RUNDC3B: variants seen among roughly 807,000 people sequenced by gnomAD.
The protein encoded by RUNDC3B is RUN domain containing 3B, also known as RUN domain-containing protein 3B.
A neutral mutation model predicts 58.4 loss-of-function variants in RUNDC3B; 33 were observed. The observed-to-expected ratio is 0.56, with a 90% CI of 0.43 to 0.75. The LOEUF (loss-of-function observed/expected upper bound fraction) is 0.75, where lower values mean the gene tolerates loss of function less well. Among genes scored for constraint, RUNDC3B ranks in the 30% least tolerant of loss-of-function variants. The pLI is 0.00. For synonymous variants in RUNDC3B, 193 were observed against 195.2 expected, an observed-to-expected ratio of 0.99 and a Z score of 0.10; for missense variants, 501 against 535.7, an observed-to-expected ratio of 0.94 and a Z score of 0.64.
At chr7:87,819,497 G>A (rs945597060) in intron 10 of RUNDC3B, among the ~76,000 whole-genome samples, 1 of 151,958 alleles carries the variant, frequency 6.6e-6, no homozygotes, top group Non-Finnish European at 1.5e-5. Context: ...AAGTTAACAA[G>A]GATACCCAGG....
At chr7:87,629,238 AGAG>A (rs1820956368) in intron 1 of RUNDC3B, 1 of 319,514 alleles carries the variant, frequency 3.1e-6, no homozygotes, top group African/African-American at 2.1e-5. Flanking sequence ...TCAGAGTGAA[AGAG>A]GAGGGCAAGG....
At chr7:87,657,469 C>G (rs994137446) in intron 2 of RUNDC3B, among the ~76,000 whole-genome samples, 2 of 152,118 alleles carry the variant, frequency 1.3e-5, no homozygotes, top group African/African-American at 4.8e-5. Context: ...AGAATTCCGC[C>G]CTCCTGAGGC....
intron 4 of RUNDC3B, among the ~76,000 whole-genome samples, chr7:87,729,309 A>G (rs1466770112): frequency 2.0e-5 from 3 of 152,192 alleles, no homozygotes; most frequent in African/African-American, 7.2e-5. Context: ...TTTTAACATT[A>G]TATTAAGGAA....
chr7:87,776,474 A>T (rs1469237831), intron 7 of RUNDC3B, among the ~76,000 whole-genome samples: 1 of 152,162 alleles, frequency 6.6e-6, no homozygotes, highest in Non-Finnish European at 1.5e-5. Context: ...CGTATTGTTT[A>T]AGATGACACA....
At position 87,628,447 on chromosome 7, in the gene RUNDC3B, T is replaced by C. The variant is rs920868105; in HGVS notation, c.-377T>C. Reference sequence around the variant, plus strand: ...CGAGTGGCTGCGGAGTGTGGGTGGTTGGGCGTGAGGGGCCGACGGGCTCGC... The same window carrying C: ...CGAGTGGCTGCGGAGTGTGGGTGGTCGGGCGTGAGGGGCCGACGGGCTCGC... On this transcript the variant is annotated 5_prime_UTR_variant, in exon 1 of 11. Transcript: ENST00000394654. 1.2e-5 allele frequency: 2 copies of C among 166,780 alleles called. No individual in the cohort carries two copies. The highest frequency in any genetic ancestry group is 4.8e-5 in the African/African-American group (2 of 41,810). 10.3% of individuals were successfully genotyped at this position (166,780 alleles called of 1,614,324 possible). A position where few individuals can be genotyped will look rare whatever the true frequency, so the allele number is the denominator to read the frequency against.
At chr7:87,689,923 ATG>A (rs1463927296) in intron 2 of RUNDC3B, among the ~76,000 whole-genome samples, 22 of 152,202 alleles carry the variant, frequency 1.4e-4, no homozygotes, top group Admixed American at 1.4e-3. Flanking sequence ...CCAAATGTTT[ATG>A]TGTGTTTGCA....
intron 1 of RUNDC3B, among the ~76,000 whole-genome samples, chr7:87,649,854 A>G (rs1000319656): frequency 6.6e-6 from 1 of 152,124 alleles, no homozygotes; most frequent in African/African-American, 2.4e-5. Flanking sequence ...AAGATTTGAT[A>G]GTTTTATAAA....
At chr7:87,792,631 G>A (rs1238270151) in intron 8 of RUNDC3B, among the ~76,000 whole-genome samples, 1 of 151,968 alleles carries the variant, frequency 6.6e-6, no homozygotes, top group Non-Finnish European at 1.5e-5. Context: ...AAGTAATTAA[G>A]AAGGAAATGA....
At chr7:87,769,702 G>C (rs1373307904) in intron 6 of RUNDC3B, among the ~76,000 whole-genome samples, 3 of 151,746 alleles carry the variant, frequency 2.0e-5, no homozygotes, top group Non-Finnish European at 4.4e-5. Flanking sequence ...TTGTTACATA[G>C]TTATACATGT....
At chr7:87,702,136 C>A (rs1829116612) in intron 3 of RUNDC3B, among the ~76,000 whole-genome samples, 1 of 73,836 alleles carries the variant, frequency 1.4e-5, no homozygotes, top group Non-Finnish European at 2.1e-5. Context: ...GAGCGAGACT[C>A]TGTCTCAAAA....
intron 6 of RUNDC3B, among the ~76,000 whole-genome samples, chr7:87,747,814 C>A (rs1340131668): frequency 6.6e-6 from 1 of 152,082 alleles, no homozygotes; most frequent in Non-Finnish European, 1.5e-5. Flanking sequence ...AACCAAAAGG[C>A]CAGTCTCACT....
At chr7:87,718,129 G>C (rs1054497217) in intron 4 of RUNDC3B, among the ~76,000 whole-genome samples, 1 of 152,110 alleles carries the variant, frequency 6.6e-6, no homozygotes, top group Non-Finnish European at 1.5e-5. Flanking sequence ...TACAGTAAAA[G>C]GATGCAAAGC....
Position 87,628,589 on chromosome 7 carries a change from GTGT to G in RUNDC3B, c.-234_-232del. The G allele has an allele frequency of 2.9e-5, 1 of 34,458 alleles. No homozygotes were observed. Among genetic ancestry groups the G allele is most frequent in the Non-Finnish European group, 5.1e-5 (1 of 19,538 alleles). 2.1% of individuals were successfully genotyped at this position (34,458 alleles called of 1,614,324 possible). ...GCGGAGGTGGTGCGTGCGTGCGTGTGTGTGTGTGTGTGTGTGTGTGTGTGTGTG... is the reference window on the plus strand; with the variant it reads ...GCGGAGGTGGTGCGTGCGTGCGTGTGGTGTGTGTGTGTGTGTGTGTGTGTG... On this transcript the variant is annotated 5_prime_UTR_variant, in exon 1 of 11. Coordinates refer to ENST00000394654, the MANE Select transcript of RUNDC3B (RefSeq NM_001134405.2).
chr7:87,758,838 G>C (rs1467861057), intron 6 of RUNDC3B, among the ~76,000 whole-genome samples: 1 of 152,126 alleles, frequency 6.6e-6, no homozygotes, highest in Non-Finnish European at 1.5e-5. Flanking sequence ...ATGAATGCTG[G>C]CAAGGGTATG....
intron 2 of RUNDC3B, among the ~76,000 whole-genome samples, chr7:87,655,855 C>T (rs1824048470): frequency 6.6e-6 from 1 of 152,012 alleles, no homozygotes; most frequent in Admixed American, 6.6e-5. Context: ...AAGGGCAGAG[C>T]CCTCATGAGT....
intron 8 of RUNDC3B, among the ~76,000 whole-genome samples, chr7:87,794,739 A>G (rs1249480024): frequency 6.6e-6 from 1 of 152,174 alleles, no homozygotes; most frequent in Non-Finnish European, 1.5e-5. Context: ...AGATTATACT[A>G]CAGAGCTATC....
intron 3 of RUNDC3B, among the ~76,000 whole-genome samples, chr7:87,706,008 T>TC (rs374332492): frequency 3.5e-4 from 54 of 152,296 alleles, no homozygotes; most frequent in African/African-American, 1.2e-3. Flanking sequence ...TGAGGGATTG[T>TC]CCCCCCATTT....
At chr7:87,685,516 A>C (rs1827369252) in intron 2 of RUNDC3B, among the ~76,000 whole-genome samples, 1 of 152,146 alleles carries the variant, frequency 6.6e-6, no homozygotes, top group Non-Finnish European at 1.5e-5. Context: ...AAGGAAAAAA[A>C]ATTTCCACAC....
intron 3 of RUNDC3B, among the ~76,000 whole-genome samples, chr7:87,710,111 C>A (rs1486398071): frequency 6.6e-6 from 1 of 151,892 alleles, no homozygotes; most frequent in Non-Finnish European, 1.5e-5. Flanking sequence ...TATAAAACCT[C>A]CCACTGAAAG....
Sources: gnomAD v4.1 joint callset for allele counts (sites outside exome capture counted in the v4.1 genomes callset) on GRCh38, gnomAD v4.1.1 for gene constraint, MANE v1.5 for transcripts, NCBI Gene and HGNC (gene_info 2026-07-23, HGNC 2026-07-21) for gene names.